The following ACSS2 variants were observed in gnomAD, a reference collection of about 807,000 sequenced individuals.
ACSS2 encodes acyl-CoA synthetase short chain family member 2.
A neutral mutation model predicts 90.6 loss-of-function variants in ACSS2; 58 were observed. The ratio of observed to expected loss-of-function variants is 0.64; its 90% CI spans 0.52 to 0.80. ACSS2 has a LOEUF of 0.80. ACSS2 is among the 30% of genes least tolerant of loss of function. The pLI is 0.00. For missense variants in ACSS2, 759 were observed against 912.0 expected (o/e 0.83, Z 2.16); for synonymous variants, 300 against 330.9 (o/e 0.91, Z 1.01).
At chr20:34,910,374 C>T (rs1213822297) in intron 2 of ACSS2, among the ~76,000 whole-genome samples, 2 of 152,212 alleles carry the variant, frequency 1.3e-5, no homozygotes, top group Non-Finnish European at 2.9e-5. Context: ...TTGCCCTGGG[C>T]ATGGTGGCTC....
At position 34,892,534 on chromosome 20, in the gene ACSS2, A is replaced by G. The variant is rs144175436; in HGVS notation, c.374+9545A>G. Reference sequence around the variant, plus strand: ...ATTCTCATTCAATTCCTACATCTCTACCTTAATACTTACTAGTTGGGCAAG... The same window carrying G: ...ATTCTCATTCAATTCCTACATCTCTGCCTTAATACTTACTAGTTGGGCAAG... On this transcript the variant is annotated intron_variant, in intron 2 of 17. Coordinates refer to ENST00000360596, the MANE Select transcript of ACSS2 (RefSeq NM_018677.4). 1.4e-3 allele frequency among the ~76,000 whole-genome samples: 215 copies of G among 152,212 alleles called. 1 individual carries two copies. The highest frequency in any genetic ancestry group is 5.0e-3 in the African/African-American group (206 of 41,522).
At chr20:34,909,226 G>C (rs1326215187) in intron 2 of ACSS2, among the ~76,000 whole-genome samples, 1 of 144,630 alleles carries the variant, frequency 6.9e-6, no homozygotes, top group East Asian at 2.1e-4. Flanking sequence ...AAGGTAGCCA[G>C]ACATGGTGAC....
chr20:34,920,855 T>C (rs2081180886), intron 9 of ACSS2, 146 bp downstream of exon 9: 3 of 1,474,638 alleles, frequency 2.0e-6, no homozygotes, highest in Admixed American at 3.8e-5. Flanking sequence ...GGGTTGCGTA[T>C]CCTGACTAGG....
intron 16 of ACSS2, 100 bp from the exon 17 acceptor site, chr20:34,926,777 T>G: frequency 1.7e-6 from 2 of 1,174,040 alleles, no homozygotes; most frequent in Non-Finnish European, 2.5e-6. Context: ...GGCAGGGACT[T>G]GAGGAGGAAA....
At chr20:34,912,921 A>T (rs1414568774) in intron 2 of ACSS2, among the ~76,000 whole-genome samples, 175 bp from the exon 3 acceptor site, 1 of 152,232 alleles carries the variant, frequency 6.6e-6, no homozygotes, top group African/African-American at 2.4e-5. Flanking sequence ...TGGCCAAAGT[A>T]TCTGACCCGT....
rs1391280255 is a variant in ACSS2, at chr20:34,926,777, TGAG to T, written c.1904-94_1904-92del. On this transcript the variant is annotated intron_variant, in intron 16 of 17. Transcript: ENST00000360596. ...GAGGCTGTCTCTGTGGGCAGGGACT[TGAG>T]GAGGAAACAGGTGGGGAACAAAGCC... is the stretch of plus-strand genomic sequence containing the variant. The T allele has an allele frequency of 8.5e-6, 10 of 1,173,922 alleles. No homozygotes were observed. In the African/African-American group the frequency reaches 1.2e-4, roughly 14 times the overall value. 72.7% of individuals were successfully genotyped at this position (1,173,922 alleles called of 1,614,324 possible). A position where few individuals can be genotyped will look rare whatever the true frequency, so the allele number is the denominator to read the frequency against.
At chr20:34,907,018 A>G (rs1601338620) in intron 2 of ACSS2, among the ~76,000 whole-genome samples, 1 of 151,114 alleles carries the variant, frequency 6.6e-6, no homozygotes, top group Non-Finnish European at 1.5e-5. Flanking sequence ...CTCTGCTATC[A>G]TGGAGCTTAT....
chr20:34,921,650 T>C (rs1453119564), intron 12 of ACSS2, 50 bp downstream of exon 12: 1 of 1,613,680 alleles, frequency 6.2e-7, no homozygotes. Context: ...GATGGTGTCT[T>C]GGGGCACTTG....
chr20:34,882,764 A>T (rs750128848), intron 1 of ACSS2, 30 bp from the exon 2 acceptor site: 1 of 1,603,148 alleles, frequency 6.2e-7, no homozygotes, highest in South Asian at 1.1e-5. Flanking sequence ...CAGAAGATTA[A>T]TGATATCTGG....
At chr20:34,908,885 C>T (rs1471896973) in intron 2 of ACSS2, 1 of 397,702 alleles carries the variant, frequency 2.5e-6, no homozygotes, top group Non-Finnish European at 4.9e-6. Context: ...AAAAAAAGCA[C>T]ACATCTCTTG....
Position 34,923,361 on chromosome 20 carries a change from CTA to C in ACSS2, c.1589_1590del (p.Tyr530TrpfsTer7). 2 of 1,614,190 alleles carry C rather than the reference CTA, an allele frequency of 1.2e-6. No homozygotes were observed. Among genetic ancestry groups the C allele is most frequent in the Non-Finnish European group, 1.7e-6 (2 of 1,180,028 alleles). On this transcript the variant is annotated frameshift_variant, in exon 14 of 18. Coordinates refer to ENST00000360596, the MANE Select transcript of ACSS2 (RefSeq NM_018677.4). LOFTEE classifies it high-confidence loss of function. ...QPWPGIMRTVYGNHERFETTY... is the reference protein window; with the variant it reads ...QPWPGIMRTVXGNHERFETTY... ...CCTGGCCAGGGATCATGCGCACAGT[CTA>C]TGGGAACCACGAACGCTTTGAGACA...
chr20:34,913,449 G>A lies in ACSS2; in HGVS notation c.523G>A (p.Val175Met), dbSNP rs1402973410. Residue 175 changes from valine (V) to methionine (M), a missense_variant, in exon 4 of 18, where the codon GTG (valine) becomes ATG (methionine). By Grantham distance (21) the Val-to-Met change is conservative. Transcript: ENST00000360596. ...IYMPMIPELV[V>M]AMLACARIGA... ...CATGCCTATGATCCCAGAGCTTGTG[G>A]TGGCCATGCTGGCATGTGCCCGCAT... 6.2e-7 allele frequency: 1 copy of A among 1,614,006 alleles called. No individual in the cohort carries two copies. Among genetic ancestry groups the A allele is most frequent in the East Asian group, 2.2e-5 (1 of 44,872 alleles).
At chr20:34,889,372 TCGGCC>T (rs1168115505) in intron 2 of ACSS2, among the ~76,000 whole-genome samples, 4 of 119,558 alleles carry the variant, frequency 3.3e-5, no homozygotes, top group Non-Finnish European at 8.0e-5. Flanking sequence ...TCCACTCTCC[TCGGCC>T]TCCCAAAGTG....
intron 2 of ACSS2, among the ~76,000 whole-genome samples, chr20:34,901,536 A>G (rs375165846): frequency 9.9e-5 from 15 of 152,236 alleles, no homozygotes; most frequent in East Asian, 5.8e-4. Context: ...TAGTCAAGGT[A>G]CATTGCTCCC....
At chr20:34,910,227 G>C (rs913050017) in intron 2 of ACSS2, among the ~76,000 whole-genome samples, 1 of 152,134 alleles carries the variant, frequency 6.6e-6, no homozygotes, top group Non-Finnish European at 1.5e-5. Context: ...AGATCATAAT[G>C]ATACAGACTT....
At chr20:34,912,310 G>A (rs2080978208) in intron 2 of ACSS2, among the ~76,000 whole-genome samples, 1 of 152,164 alleles carries the variant, frequency 6.6e-6, no homozygotes, top group Non-Finnish European at 1.5e-5. Flanking sequence ...ATTCAAGATG[G>A]AAACTCACTC....
chr20:34,876,685 A>ACCC lies in ACSS2; in HGVS notation c.40_41insCCC (p.Ser14delinsThrArg). 1 of 1,416,068 alleles carries ACCC rather than the reference A, an allele frequency of 7.1e-7. No homozygotes were observed. The highest frequency in any genetic ancestry group is 1.5e-5 in the South Asian group (1 of 66,856). 87.7% of individuals were successfully genotyped at this position (1,416,068 alleles called of 1,614,324 possible). On this transcript the variant is annotated protein_altering_variant, in exon 1 of 18. Transcript: ENST00000360596. ...GGAGCGGGTCCGGAGCGGCAGCGGG[A>ACCC]GCCGGGGCCAGGAGGAAGCTGGAGC...
chr20:34,923,449 C>A lies in ACSS2; in HGVS notation c.1657+18C>A, dbSNP rs1293159823. 1 of 1,556,962 alleles carries A rather than the reference C, an allele frequency of 6.4e-7. No individual in the cohort carries two copies. The highest frequency in any genetic ancestry group is 8.9e-7 in the Non-Finnish European group (1 of 1,128,412). ...AGGAGATGGTGAGCCTTAGCTATCCCCCTCTTGCACCTCCCACTAAGACAT... is the reference window on the plus strand; with the variant it reads ...AGGAGATGGTGAGCCTTAGCTATCCACCTCTTGCACCTCCCACTAAGACAT... On this transcript the variant is annotated intron_variant, in intron 14 of 17. Transcript: ENST00000360596.
At chr20:34,923,502 A>C in intron 14 of ACSS2, 71 bp downstream of exon 14, 1 of 1,124,912 alleles carries the variant, frequency 8.9e-7, no homozygotes, top group Non-Finnish European at 1.3e-6. Context: ...TTTCAGGAAG[A>C]GTTGGTGTGT....
Sources: gnomAD v4.1 joint callset for allele counts (sites outside exome capture counted in the v4.1 genomes callset) on GRCh38, gnomAD v4.1.1 for gene constraint, MANE v1.5 for transcripts, NCBI Gene and HGNC (gene_info 2026-07-23, HGNC 2026-07-21) for gene names.